The following TTN variants were observed in gnomAD, a reference collection of about 807,000 sequenced individuals.
TTN encodes the protein connectin.
TTN carries 1,525 observed loss-of-function variants against 3,223.0 expected under a neutral mutation model. That is an observed-to-expected ratio of 0.47 (90% CI 0.45 to 0.49). TTN has a LOEUF of 0.49. TTN is among the 20% of genes least tolerant of loss of function. The probability of loss-of-function intolerance (pLI) is 0.00; values close to 1 mark genes in which losing one functional copy is unlikely to be tolerated. For synonymous variants in TTN, 14,094 were observed against 15,161.0 expected, an observed-to-expected ratio of 0.93 and a Z score of 5.17; for missense variants, 40,786 against 43,424.0, an observed-to-expected ratio of 0.94 and a Z score of 5.40.
At chr2:178,613,640 G>A in intron 263 of TTN, 111 bp downstream of exon 263, 1 of 1,142,980 alleles carries the variant, frequency 8.7e-7, no homozygotes, top group Non-Finnish European at 1.2e-6. Context: ...AGTAAAAGTA[G>A]TTTAAAATTT....
rs751192122 is a variant in TTN at position 178,559,515 on chromosome 2, C to T, written c.86617G>A (p.Gly28873Ser). 6.2e-7 allele frequency: 1 copy of T among 1,613,780 alleles called. No individual in the cohort carries two copies. The highest frequency in any genetic ancestry group is 1.1e-5 in the South Asian group (1 of 91,068). Reference sequence around the variant, plus strand: ...TGGTAATTCTTCACTGGTGCTCCACCATCGTTTTCAGGAACATCCCAGGAT... The same window carrying T: ...TGGTAATTCTTCACTGGTGCTCCACTATCGTTTTCAGGAACATCCCAGGAT... ...VLSWDVPEND[G>S]GAPVKNYHIE... The change falls in exon 326 of 363, where the codon GGT (glycine) becomes AGT (serine). Residue 28873 changes from glycine to serine, a missense_variant. By Grantham distance (56) the Gly-to-Ser change is moderately conservative. Coordinates refer to ENST00000589042, the MANE Select transcript of TTN (RefSeq NM_001267550.2).
intron 125 of TTN, 32 bp downstream of exon 125, chr2:178,689,021 T>C: frequency 6.7e-7 from 1 of 1,499,166 alleles, no homozygotes; most frequent in Non-Finnish European, 9.1e-7. Context: ...TTTTTTTTTT[T>C]TTTTTTGTCA....
rs373373444 is a variant in TTN, at chr2:178,782,616, A to G, written c.3101-14T>C. On this transcript the variant is annotated splice_polypyrimidine_tract_variant and intron_variant, in intron 18 of 362. Transcript: ENST00000589042. ...ATTCTTCTGACACTAAAAGAAGACA[A>G]AAGTTTCTCATTGAGATGAGATGTT... 1.2e-6 allele frequency: 2 copies of G among 1,613,572 alleles called. No individual in the cohort carries two copies. Among genetic ancestry groups the G allele is most frequent in the African/African-American group, 2.7e-5 (2 of 75,050 alleles).
At chr2:178,628,967 G>A (rs1009082097) in intron 240 of TTN, among the ~76,000 whole-genome samples, 2 of 152,098 alleles carry the variant, frequency 1.3e-5, no homozygotes, top group Non-Finnish European at 2.9e-5. Flanking sequence ...TGGCTGCAGA[G>A]CGTGCAATCA....
At position 178,741,322 on chromosome 2, in the gene TTN, A is replaced by T; in HGVS notation, c.11911T>A (p.Trp3971Arg). Reference protein sequence around the residue: ...VVGEPAPTVTWFKENKQLCTS... With the variant: ...VVGEPAPTVTRFKENKQLCTS... ...CAAAGCTGCTTGTTTTCTTTGAACC[A>T]TGTAACAGTAGGGGCAGGCTCTCCA... Residue 3971 changes from tryptophan (W) to arginine (R), a missense_variant, in exon 48 of 363, where the codon TGG (tryptophan) becomes AGG (arginine). Physicochemically the swap from Trp to Arg is moderately radical, Grantham distance 101. Coordinates refer to ENST00000589042, the MANE Select transcript of TTN (RefSeq NM_001267550.2). 3.1e-6 allele frequency: 5 copies of T among 1,613,902 alleles called. No individual in the cohort carries two copies. The highest frequency in any genetic ancestry group is 4.2e-6 in the Non-Finnish European group (5 of 1,179,826).
intron 218 of TTN, chr2:178,644,320 T>C: frequency 2.6e-6 from 1 of 381,848 alleles, no homozygotes; most frequent in African/African-American, 2.1e-5. Context: ...AAGACATATG[T>C]AGATGAGACA....
At chr2:178,539,314 G>C (rs1439512172) in intron 352 of TTN, 63 bp from the exon 353 acceptor site, 1 of 1,593,988 alleles carries the variant, frequency 6.3e-7, no homozygotes, top group African/African-American at 1.3e-5. Context: ...ATAAGCCAAT[G>C]ACTTTCATTT....
Position 178,774,293 on chromosome 2 carries a change from G to A in TTN, c.6971C>T (p.Thr2324Met), listed in dbSNP as rs760633130. The A allele has an allele frequency of 4.1e-5, 66 of 1,614,018 alleles. No homozygotes were observed. The highest frequency in any genetic ancestry group is 4.0e-4 in the South Asian group (36 of 91,070). Residue 2324 changes from threonine to methionine, a missense_variant, in exon 30 of 363, where the codon ACG becomes ATG. Thr to Met is a moderately conservative substitution (Grantham distance 81). Coordinates refer to ENST00000589042, the MANE Select transcript of TTN (RefSeq NM_001267550.2). ...GTCCTCCTTGGTTACATCCTTGACC[G>A]TGAGGTTCTGACGTCCACGACGAGA... ...ITSRRGRQNL[T>M]VKDVTKEDQG...
intron 236 of TTN, 102 bp from the exon 237 acceptor site, chr2:178,631,402 T>C: frequency 7.7e-7 from 1 of 1,290,752 alleles, no homozygotes; most frequent in Non-Finnish European, 1.0e-6. Context: ...TGAGTATCTT[T>C]TAAAATTGTG....
At chr2:178,714,880 A>T (rs2077230303) in intron 90 of TTN, 106 bp downstream of exon 90, 24 of 1,410,474 alleles carry the variant, frequency 1.7e-5, no homozygotes, top group Non-Finnish European at 2.2e-5. Context: ...ACAAAGGGAA[A>T]GTGGAATAGG....
chr2:178,563,261 G>A lies in TTN; in HGVS notation c.82871C>T (p.Thr27624Ile), dbSNP rs1001331770. The change falls in exon 326 of 363, where the codon ACA becomes ATA. Residue 27624 changes from threonine (T) to isoleucine (I), a missense_variant. Coordinates refer to ENST00000589042, the MANE Select transcript of TTN (RefSeq NM_001267550.2). The surrounding 1 kb of genome is among the most constrained non-coding windows in gnomAD (Gnocchi z 4.5). ...TGTGAACTGCTTTCCTTGTAATCCT[G>A]TTGGTGGAGTGCAGGTTGTCCATTC... is the stretch of plus-strand genomic sequence containing the variant. The part of the protein sequence containing the change: ...ADEWTTCTPP[T>I]GLQGKQFTVT... 1 of 1,613,664 alleles carries A rather than the reference G, an allele frequency of 6.2e-7. No homozygotes were observed. Among genetic ancestry groups the A allele is most frequent in the South Asian group, 1.1e-5 (1 of 91,080 alleles).
intron 47 of TTN, chr2:178,747,020 G>A (rs2083784598): frequency 2.5e-6 from 4 of 1,613,412 alleles, no homozygotes; most frequent in Non-Finnish European, 3.4e-6. Context: ...AAAAGTACCA[G>A]TGGGGTTTGG....
Position 178,590,371 on chromosome 2 carries a change from T to C in TTN, c.61354A>G (p.Ile20452Val). ...EYRFRIKAAN[I>V]VGEGEPRELA... Reference sequence around the variant, plus strand: ...TCTCTTGGCTCACCCTCTCCTACAATATTAGCTGCCTTTATACGGAATCTG... The same window carrying C: ...TCTCTTGGCTCACCCTCTCCTACAACATTAGCTGCCTTTATACGGAATCTG... The change falls in exon 304 of 363, where the codon ATT (isoleucine) becomes GTT (valine). Residue 20452 changes from isoleucine to valine, a missense_variant. Ile to Val is a conservative substitution (Grantham distance 29). Coordinates refer to ENST00000589042, the MANE Select transcript of TTN (RefSeq NM_001267550.2). The C allele has an allele frequency of 6.3e-7, 1 of 1,585,196 alleles. No homozygotes were observed. Among genetic ancestry groups the C allele is most frequent in the Non-Finnish European group, 8.6e-7 (1 of 1,166,168 alleles).
chr2:178,753,309 C>A, intron 46 of TTN, 129 bp from the exon 47 acceptor site: 2 of 674,536 alleles, frequency 3.0e-6, no homozygotes, highest in Non-Finnish European at 5.1e-6. Flanking sequence ...CCCAAATTTA[C>A]CAAAAAGTCC....
At chr2:178,633,165 T>A in intron 233 of TTN, 22 bp downstream of exon 233, 3 of 1,608,160 alleles carry the variant, frequency 1.9e-6, no homozygotes, top group Non-Finnish European at 2.6e-6. Flanking sequence ...CTCTCCTATA[T>A]AATTAGCTAA....
At position 178,561,084 on chromosome 2, in the gene TTN, C is replaced by T. The variant is rs1337835797; in HGVS notation, c.85048G>A (p.Asp28350Asn). Residue 28350 changes from aspartate (D) to asparagine (N), a missense_variant, in exon 326 of 363, where the codon GAT becomes AAT. Physicochemically the swap from Asp to Asn is conservative, Grantham distance 23. Transcript: ENST00000589042. ...ATAACTCTTGGAGGCTCAACATCAT[C>T]TTTAACTATAATAGGCCCAGTGGAT... The part of the protein sequence containing the change: ...SESTGPIIVK[D>N]DVEPPRVMMD... 1 of 1,613,770 alleles carries T rather than the reference C, an allele frequency of 6.2e-7. No individual in the cohort carries two copies. The highest frequency in any genetic ancestry group is 8.5e-7 in the Non-Finnish European group (1 of 1,179,816).
chr2:178,713,160 C>G lies in TTN; in HGVS notation c.26974G>C (p.Asp8992His). The G allele has an allele frequency of 6.2e-7, 1 of 1,613,776 alleles. No individual in the cohort carries two copies. The highest frequency in any genetic ancestry group is 8.5e-7 in the Non-Finnish European group (1 of 1,179,760). Residue 8992 changes from aspartate to histidine, a missense_variant, in exon 93 of 363, where the codon GAC becomes CAC. Physicochemically the swap from Asp to His is moderately conservative, Grantham distance 81. Coordinates refer to ENST00000589042, the MANE Select transcript of TTN (RefSeq NM_001267550.2). Reference sequence around the variant, plus strand: ...GCTATACATGTGTAGTCACCACTGTCTGATTCTTCCAGCATGTTCACAGTT... The same window carrying G: ...GCTATACATGTGTAGTCACCACTGTGTGATTCTTCCAGCATGTTCACAGTT... ...ALTVNMLEES[D>H]SGDYTCIATN...
In TTN at chr2:178,595,794, A is replaced by G. The variant is rs1290770653; in HGVS notation, c.57560T>C (p.Val19187Ala). The change falls in exon 295 of 363, where the codon GTT becomes GCT. Residue 19187 changes from valine to alanine, a missense_variant. By Grantham distance (64) the Val-to-Ala change is moderately conservative. Coordinates refer to ENST00000589042, the MANE Select transcript of TTN (RefSeq NM_001267550.2). ...GTTGTGAGCTAGGAATGGTGTTCCA[A>G]CGGGACCTGGAACATCTGGAAATAA... is the stretch of plus-strand genomic sequence containing the variant. ...IVDVLDVPGP[V>A]GTPFLAHNLT... 7 of 1,603,050 alleles carry G rather than the reference A, an allele frequency of 4.4e-6. No individual in the cohort carries two copies. The highest frequency in any genetic ancestry group is 2.3e-5 in the South Asian group (2 of 88,618).
chr2:178,756,594 G>A lies in TTN; in HGVS notation c.10882C>T (p.Gln3628Ter), dbSNP rs1273860485. 1.9e-6 allele frequency: 3 copies of A among 1,612,898 alleles called. No individual in the cohort carries two copies. The African/African-American group carries it at 4.0e-5, about 22-fold the overall frequency. ...QSSIHTAASV[Q>*]DTQLCHTASL... is the part of the protein sequence containing the mutation. ...GCAGTATGGCACAACTGTGTATCTTGAACAGATGCAGCTGTGTGGATGGAA... is the reference window on the plus strand; with the variant it reads ...GCAGTATGGCACAACTGTGTATCTTAAACAGATGCAGCTGTGTGGATGGAA... The change falls in exon 46 of 363, where the codon CAA (glutamine) becomes TAA (stop). Residue 3628 changes from glutamine to a stop codon, truncating the protein, a stop_gained. Coordinates refer to ENST00000589042, the MANE Select transcript of TTN (RefSeq NM_001267550.2). LOFTEE classifies it high-confidence loss of function.
Sources: allele counts gnomAD v4.1 joint callset (sites outside exome capture counted in the v4.1 genomes callset), GRCh38; gene constraint gnomAD v4.1.1; non-coding constraint Gnocchi (gnomAD v3.1); transcripts MANE v1.5; gene names NCBI Gene and HGNC (gene_info 2026-07-23, HGNC 2026-07-21).